TRIO: variants seen among roughly 807,000 people sequenced by gnomAD.
The protein encoded by TRIO is trio Rho guanine nucleotide exchange factor.
TRIO carries 58 observed loss-of-function variants against 351.9 expected under a neutral mutation model. The ratio of observed to expected loss-of-function variants is 0.16; its 90% confidence interval spans 0.13 to 0.21. The LOEUF is 0.21. Among genes scored for constraint, TRIO ranks in the 10% least tolerant of loss-of-function variants. The pLI, the probability that TRIO is intolerant of heterozygous loss-of-function variation, is 1.00. For synonymous variants in TRIO, 1,758 were observed against 1,595.7 expected, an observed-to-expected ratio of 1.10 and a Z score of -2.42; for missense variants, 3,201 against 4,027.8, an observed-to-expected ratio of 0.79 and a Z score of 5.56.
intron 34 of TRIO, 106 bp downstream of exon 34, chr5:14,420,127 A>T: frequency 6.6e-7 from 1 of 1,505,892 alleles, no homozygotes; most frequent in Non-Finnish European, 9.0e-7. Flanking sequence ...CTTCCTTGTC[A>T]GCTGTGCCTT....
At position 14,317,484 on chromosome 5, in the gene TRIO, G is replaced by A. The variant is rs568358239; in HGVS notation, c.1731+741G>A. ...GGTAGCCCATGGCCTCAGGAAGTTG[G>A]CTGGGAACCGCCGTGATAAGCCTGC... On this transcript the variant is annotated intron_variant, in intron 9 of 56. Transcript: ENST00000344204. Among the ~76,000 whole-genome samples, 12 of 152,280 alleles carry A rather than the reference G, an allele frequency of 7.9e-5. No individual in the cohort carries two copies. In the East Asian group the frequency reaches 2.3e-3, roughly 29 times the overall value.
chr5:14,441,206 A>T (rs1378544651), intron 34 of TRIO: 2 of 152,688 alleles, frequency 1.3e-5, no homozygotes, highest in Non-Finnish European at 2.9e-5. Flanking sequence ...GAGAGGTAGG[A>T]TAGGGGTTCT....
intron 34 of TRIO, among the ~76,000 whole-genome samples, chr5:14,450,234 A>T (rs1249992452): frequency 6.6e-6 from 1 of 152,090 alleles, no homozygotes; most frequent in African/African-American, 2.4e-5. Context: ...TCATGACATG[A>T]CTCATGAAGA....
At chr5:14,150,034 C>T (rs1340324948) in intron 1 of TRIO, among the ~76,000 whole-genome samples, 11 of 152,226 alleles carry the variant, frequency 7.2e-5, no homozygotes, top group Admixed American at 7.2e-4. Context: ...CTGTGGACCC[C>T]TTTCCTGAAA....
At chr5:14,392,240 G>GA (rs113769072) in intron 27 of TRIO, among the ~76,000 whole-genome samples, 5,866 of 141,898 alleles carry the variant, frequency 0.041, 357 homozygotes, top group African/African-American at 0.14. Flanking sequence ...AAATTTACAA[G>GA]AAAAAAAAAA....
Position 14,391,172 on chromosome 5 carries a change from A to T in TRIO, c.4218+182A>T, listed in dbSNP as rs567630240. Reference sequence around the variant, plus strand: ...TTCTATTGTCTTCTGTTTTTAAAAGATCCTACACAAATACTGGAAGCCTTA... The same window carrying T: ...TTCTATTGTCTTCTGTTTTTAAAAGTTCCTACACAAATACTGGAAGCCTTA... On this transcript the variant is annotated intron_variant, in intron 27 of 56. Transcript: ENST00000344204. 3.3e-5 allele frequency among the ~76,000 whole-genome samples: 5 copies of T among 152,314 alleles called. No homozygotes were observed. The East Asian group carries it at 7.7e-4, about 23-fold the overall frequency.
At chr5:14,292,880 G>A in intron 5 of TRIO, 132 bp from the exon 6 acceptor site, 3 of 1,296,164 alleles carry the variant, frequency 2.3e-6, no homozygotes, top group South Asian at 1.4e-5. Flanking sequence ...AGACTCTTCT[G>A]AGAGAATCAG....
Position 14,359,436 on chromosome 5 carries a change from G to A in TRIO, c.2296G>A (p.Glu766Lys), listed in dbSNP as rs1743929802. ...TGAGACGGTGCTGCAGCAGCTGGAC[G>A]AGGCGCAGTCGCAGATGGAGGAGCT... The part of the protein sequence containing the change: ...HIETVLQQLD[E>K]AQSQMEELFQ... Residue 766 changes from glutamate to lysine, a missense_variant, in exon 13 of 57, where the codon GAG (glutamate) becomes AAG (lysine). By Grantham distance (56) the Glu-to-Lys change is moderately conservative. Around this residue, in one of 19 missense-constraint regions of TRIO, gnomAD observed 363 missense variants for 553.5 expected, o/e 0.66. Transcript: ENST00000344204. 4 of 1,614,158 alleles carry A rather than the reference G, an allele frequency of 2.5e-6. No individual in the cohort carries two copies. Among genetic ancestry groups the A allele is most frequent in the East Asian group, 2.2e-5 (1 of 44,902 alleles).
At chr5:14,409,102 C>A (rs1470212648) in intron 33 of TRIO, among the ~76,000 whole-genome samples, 1 of 152,126 alleles carries the variant, frequency 6.6e-6, no homozygotes, top group East Asian at 1.9e-4. Flanking sequence ...GGTGCCACGA[C>A]TTATCTCCTG....
rs1041603804 is a variant in TRIO, at chr5:14,364,654, G to A, written c.2592G>A (p.Val864=). ...GTCTCCCTTTAATGTCCACAGGTGT[G>A]GAGCTGCTGTGTGATAGAGATGTAG... ...QYVNEVQASG[V]ELLCDRDVDM... is the part of the protein sequence containing the mutation. The change falls in exon 15 of 57, where the codon GTG becomes GTA. Residue 864 remains valine (V), a synonymous_variant. Transcript: ENST00000344204. The A allele has an allele frequency of 6.8e-6, 11 of 1,613,064 alleles. No homozygotes were observed. The highest frequency in any genetic ancestry group is 9.3e-6 in the Non-Finnish European group (11 of 1,179,444).
intron 1 of TRIO, among the ~76,000 whole-genome samples, chr5:14,246,843 AC>A (rs1283217532): frequency 6.6e-6 from 1 of 150,724 alleles, no homozygotes; most frequent in Non-Finnish European, 1.5e-5. Context: ...CCCCCACACC[AC>A]CTCCTGGAAT....
intron 1 of TRIO, among the ~76,000 whole-genome samples, chr5:14,192,852 A>G (rs1790539550): frequency 1.3e-5 from 2 of 152,222 alleles, no homozygotes; most frequent in Non-Finnish European, 2.9e-5. Flanking sequence ...GTTAATTTTT[A>G]TGATGATTTA....
Position 14,498,530 on chromosome 5 carries a change from A to C in TRIO, c.8222A>C (p.Glu2741Ala). 6.2e-7 allele frequency: 1 copy of C among 1,613,958 alleles called. No homozygotes were observed. Among genetic ancestry groups the C allele is most frequent in the South Asian group, 1.1e-5 (1 of 91,074 alleles). ...HYSISYSDLGEATLKIVGVTT... is the reference protein window; with the variant it reads ...HYSISYSDLGAATLKIVGVTT... ...CATCTGTGCCGCAGTGACCTGGGAG[A>C]GGCCACGCTGAAGATTGTGGGCGTG... The change falls in exon 53 of 57, where the codon GAG (glutamate) becomes GCG (alanine). Residue 2741 changes from glutamate (E) to alanine (A), a missense_variant. Transcript: ENST00000344204.
intron 9 of TRIO, among the ~76,000 whole-genome samples, chr5:14,317,101 A>G (rs1182969806): frequency 6.6e-6 from 1 of 152,226 alleles, no homozygotes; most frequent in Non-Finnish European, 1.5e-5. Flanking sequence ...CTATGTAAAC[A>G]GTGAGGTGGT....
intron 54 of TRIO, among the ~76,000 whole-genome samples, chr5:14,503,941 G>A (rs1757472162): frequency 1.3e-5 from 2 of 152,226 alleles, no homozygotes; most frequent in Admixed American, 1.3e-4. Context: ...CCTCGTGCCT[G>A]CCCCACACAC....
chr5:14,380,262 G>GGCGCCCCGCCTCCTCCTTC lies in TRIO; in HGVS notation c.3448-808_3448-790dup, dbSNP rs79051446. Among the ~76,000 whole-genome samples the GGCGCCCCGCCTCCTCCTTC allele has an allele frequency of 1.8e-3, 266 of 145,142 alleles. 1 individual carries two copies. The highest frequency in any genetic ancestry group is 5.1e-3 in the East Asian group (24 of 4,698). ...GTGGTGTTCTCAGTTCCCTCTTCCCGGCGCCCCGCCTCCTCCTTCGCGCCC... is the reference window on the plus strand; with the variant it reads ...GTGGTGTTCTCAGTTCCCTCTTCCCGGCGCCCCGCCTCCTCCTTCGCGCCCCGCCTCCTCCTTCGCGCCC... On this transcript the variant is annotated intron_variant, in intron 20 of 56. Transcript: ENST00000344204.
intron 1 of TRIO, among the ~76,000 whole-genome samples, chr5:14,237,486 C>T (rs1022218100): frequency 6.6e-6 from 1 of 152,166 alleles, no homozygotes; most frequent in Non-Finnish European, 1.5e-5. Flanking sequence ...CCAGAGAATC[C>T]GGATTCGTGA....
At chr5:14,405,510 A>G (rs1423921045) in intron 31 of TRIO, among the ~76,000 whole-genome samples, 3 of 152,192 alleles carry the variant, frequency 2.0e-5, no homozygotes, top group Non-Finnish European at 4.4e-5. Flanking sequence ...GTTTGCCTCA[A>G]TAGCCTCAGA....
chr5:14,401,883 G>T (rs1450111848), intron 31 of TRIO, among the ~76,000 whole-genome samples: 1 of 152,154 alleles, frequency 6.6e-6, no homozygotes, highest in Non-Finnish European at 1.5e-5. Flanking sequence ...GGACTCTGGT[G>T]TATGAACCTG....
Sources: allele counts gnomAD v4.1 joint callset (sites outside exome capture counted in the v4.1 genomes callset), GRCh38; gene constraint gnomAD v4.1.1; regional missense constraint gnomAD v4.1.1; transcripts MANE v1.5; gene names NCBI Gene and HGNC (gene_info 2026-07-23, HGNC 2026-07-21).